DAAM1: variants seen among roughly 807,000 people sequenced by gnomAD.
DAAM1 encodes dishevelled associated activator of morphogenesis 1.
DAAM1 carries 52 observed loss-of-function variants against 130.0 expected under a neutral mutation model. The observed-to-expected ratio is 0.40, with a 90% CI of 0.32 to 0.50. The LOEUF (loss-of-function observed/expected upper bound fraction) is 0.50. DAAM1 is among the 20% of genes least tolerant of loss of function. The pLI, the probability that DAAM1 is intolerant of heterozygous loss-of-function variation, is 0.61. For synonymous variants in DAAM1, 452 were observed against 444.5 expected (o/e 1.02, Z -0.21); for missense variants, 1,134 against 1,303.8 (o/e 0.87, Z 2.01).
intron 2 of DAAM1, among the ~76,000 whole-genome samples, chr14:59,282,354 A>G (rs1883261054): frequency 6.6e-6 from 1 of 152,182 alleles, no homozygotes; most frequent in Admixed American, 6.6e-5. Flanking sequence ...TAATAGATAG[A>G]TATTCAACAA....
At chr14:59,247,728 A>C (rs1280003001) in intron 1 of DAAM1, among the ~76,000 whole-genome samples, 1 of 152,192 alleles carries the variant, frequency 6.6e-6, no homozygotes, top group Non-Finnish European at 1.5e-5. Context: ...TAAAAAAAAA[A>C]AACAAGGAAT....
chr14:59,218,879 C>T (rs1054131399), intron 1 of DAAM1, among the ~76,000 whole-genome samples: 5 of 152,126 alleles, frequency 3.3e-5, no homozygotes, highest in Non-Finnish European at 7.4e-5. Context: ...TCCCTTCCCC[C>T]GGCCCTCCAC....
At chr14:59,247,046 C>A (rs1419777276) in intron 1 of DAAM1, among the ~76,000 whole-genome samples, 2 of 152,036 alleles carry the variant, frequency 1.3e-5, no homozygotes, top group South Asian at 2.1e-4. Context: ...AGTCTTTAAT[C>A]CATTTTAAGT....
At chr14:59,334,854 G>A (rs1885565028) in intron 15 of DAAM1, among the ~76,000 whole-genome samples, 1 of 152,116 alleles carries the variant, frequency 6.6e-6, no homozygotes, top group African/African-American at 2.4e-5. Flanking sequence ...GTAACTTACA[G>A]TATAAAAGCA....
chr14:59,367,315 A>T, intron 23 of DAAM1, 114 bp from the exon 24 acceptor site: 1 of 1,448,158 alleles, frequency 6.9e-7, no homozygotes, highest in Non-Finnish European at 9.1e-7. Flanking sequence ...AAAATAAATG[A>T]GCAAACAAAA....
At chr14:59,292,753 T>A (rs1444679367) in intron 3 of DAAM1, among the ~76,000 whole-genome samples, 1 of 152,218 alleles carries the variant, frequency 6.6e-6, no homozygotes, top group Non-Finnish European at 1.5e-5. Context: ...CTCAGTATGA[T>A]CTCTGAGCCT....
At chr14:59,215,790 C>T (rs1308543473) in intron 1 of DAAM1, among the ~76,000 whole-genome samples, 1 of 152,156 alleles carries the variant, frequency 6.6e-6, no homozygotes, top group East Asian at 1.9e-4. Flanking sequence ...ATTTTTGTTA[C>T]ATAAATTGAT....
intron 1 of DAAM1, among the ~76,000 whole-genome samples, chr14:59,190,126 G>C (rs1046061700): frequency 6.6e-6 from 1 of 152,054 alleles, no homozygotes; most frequent in Non-Finnish European, 1.5e-5. Context: ...TGGCTAGTGG[G>C]TGTGGTCAAA....
In DAAM1 at chr14:59,323,175, C is replaced by A; in HGVS notation, c.724C>A (p.Gln242Lys). 1 of 1,613,604 alleles carries A rather than the reference C, an allele frequency of 6.2e-7. No individual in the cohort carries two copies. The highest frequency in any genetic ancestry group is 8.5e-7 in the Non-Finnish European group (1 of 1,179,764). Residue 242 changes from glutamine to lysine, a missense_variant, in exon 6 of 25, where the codon CAG becomes AAG. This residue lies in a region of DAAM1 where 391 missense variants were observed against 521.6 expected (regional missense o/e 0.75). Transcript: ENST00000360909. ...TCCCGGGGGCCACAAGAAGGTTCTG[C>A]AGGCCATGCTGCACTACCAGAAGTA... ...LVPGGHKKVLQAMLHYQKYAS... is the reference protein window; with the variant it reads ...LVPGGHKKVLKAMLHYQKYAS...
At chr14:59,190,810 G>T (rs1301839279) in intron 1 of DAAM1, among the ~76,000 whole-genome samples, 2 of 152,028 alleles carry the variant, frequency 1.3e-5, no homozygotes. Context: ...GTCCTTTTTC[G>T]TCCCCGACCC....
chr14:59,230,285 G>A (rs1002304626), intron 1 of DAAM1, among the ~76,000 whole-genome samples: 3 of 150,102 alleles, frequency 2.0e-5, no homozygotes, highest in Non-Finnish European at 3.0e-5. Flanking sequence ...CTGCAGCCGA[G>A]GGGGGTGATG....
chr14:59,297,357 G>A (rs1883993297), intron 3 of DAAM1, among the ~76,000 whole-genome samples: 1 of 152,200 alleles, frequency 6.6e-6, no homozygotes, highest in South Asian at 2.1e-4. Context: ...TCCAGAAAGT[G>A]ATAAGAGATG....
At chr14:59,303,660 G>A (rs990260751) in intron 3 of DAAM1, among the ~76,000 whole-genome samples, 2 of 152,154 alleles carry the variant, frequency 1.3e-5, no homozygotes, top group Non-Finnish European at 2.9e-5. Context: ...ACTTTGGGGG[G>A]CCAAGGTGGG....
rs181714203 is a variant in DAAM1 at position 59,359,948 on chromosome 14, A to G, written c.2633+444A>G. Among the ~76,000 whole-genome samples, 10 of 134,454 alleles carry G rather than the reference A, an allele frequency of 7.4e-5. 1 individual carries two copies. The East Asian group carries it at 2.0e-3, about 27-fold the overall frequency. 88.2% of individuals were successfully genotyped at this position (134,454 alleles called of 152,430 possible). On this transcript the variant is annotated intron_variant, in intron 21 of 24. Transcript: ENST00000360909. Reference sequence around the variant, plus strand: ...GGAAAGTTGCCAAACTTTTACCACAAACTTCACACCACGTTTCAGAGACTG... The same window carrying G: ...GGAAAGTTGCCAAACTTTTACCACAGACTTCACACCACGTTTCAGAGACTG...
intron 1 of DAAM1, among the ~76,000 whole-genome samples, chr14:59,242,416 A>T (rs1022256070): frequency 6.6e-6 from 1 of 152,236 alleles, no homozygotes; most frequent in Non-Finnish European, 1.5e-5. Flanking sequence ...AGATGGGCAC[A>T]TAGCATTGGC....
intron 5 of DAAM1, among the ~76,000 whole-genome samples, chr14:59,321,147 A>G (rs1265484700): frequency 6.6e-5 from 10 of 152,246 alleles, no homozygotes; most frequent in East Asian, 1.9e-4. Context: ...GGAATGAAGT[A>G]CTGATACATG....
At chr14:59,342,545 A>G (rs149151732) in intron 16 of DAAM1, among the ~76,000 whole-genome samples, 37 of 152,344 alleles carry the variant, frequency 2.4e-4, no homozygotes, top group African/African-American at 8.9e-4. Context: ...ACATAAAAGG[A>G]GAAAGAAGTA....
At chr14:59,349,354 C>T (rs1270958598) in intron 17 of DAAM1, among the ~76,000 whole-genome samples, 2 of 152,362 alleles carry the variant, frequency 1.3e-5, no homozygotes, top group African/African-American at 2.4e-5. Context: ...CCAAAAGGGC[C>T]TGCAGTGCAA....
At chr14:59,363,112 C>A (rs1886775749) in intron 22 of DAAM1, 1 of 153,326 alleles carries the variant, frequency 6.5e-6, no homozygotes, top group South Asian at 2.1e-4. Flanking sequence ...CAGGCCTGTT[C>A]ACAAAAACCA....
Sources: gnomAD v4.1 joint callset for allele counts (sites outside exome capture counted in the v4.1 genomes callset) on GRCh38, gnomAD v4.1.1 for gene constraint, gnomAD v4.1.1 regional missense constraint, MANE v1.5 for transcripts, NCBI Gene and HGNC (gene_info 2026-07-23, HGNC 2026-07-21) for gene names.